Variants in FOXP2 observed in about 807,000 individuals in gnomAD.
FOXP2 encodes forkhead box P2, also known as forkhead box protein P2.
Under a neutral mutation model 115.8 loss-of-function variants are expected in FOXP2, and 12 were observed. The observed-to-expected ratio is 0.10, with a 90% CI of 0.07 to 0.17. The LOEUF (loss-of-function observed/expected upper bound fraction) is 0.17. FOXP2 is among the 10% of genes least tolerant of loss of function. The pLI is 1.00. For missense variants in FOXP2, 629 were observed against 843.5 expected, an observed-to-expected ratio of 0.75 and a Z score of 3.15; for synonymous variants, 328 against 297.7, an observed-to-expected ratio of 1.10 and a Z score of -1.05.
intron 2 of FOXP2, among the ~76,000 whole-genome samples, chr7:114,306,140 C>T (rs1251936844): frequency 6.6e-6 from 1 of 152,036 alleles, no homozygotes; most frequent in Non-Finnish European, 1.5e-5. Context: ...TTAGATTAGC[C>T]AGAGAGTACC....
chr7:114,285,247 A>G (rs2129175561), intron 1 of FOXP2, among the ~76,000 whole-genome samples: 1 of 152,280 alleles, frequency 6.6e-6, no homozygotes, highest in African/African-American at 2.4e-5. Flanking sequence ...ACAGAGTTAA[A>G]AAATCAAATG....
intron 3 of FOXP2, among the ~76,000 whole-genome samples, chr7:114,549,902 G>A (rs1800115277): frequency 6.6e-6 from 1 of 152,058 alleles, no homozygotes; most frequent in African/African-American, 2.4e-5. Flanking sequence ...AAACTGTTAT[G>A]AAAGGTTTGT....
intron 2 of FOXP2, among the ~76,000 whole-genome samples, chr7:114,292,120 A>G (rs1796619743): frequency 6.6e-6 from 1 of 151,088 alleles, no homozygotes; most frequent in Admixed American, 6.7e-5. Context: ...GAGTGACAAT[A>G]CACAACCTTT....
At chr7:114,297,420 C>G (rs1796767288) in intron 2 of FOXP2, 1 of 558,610 alleles carries the variant, frequency 1.8e-6, no homozygotes, top group East Asian at 4.3e-5. Context: ...AGGGGTAGCC[C>G]AGAGCCATGG....
At chr7:114,105,385 T>A (rs949895759) in intron 1 of FOXP2, among the ~76,000 whole-genome samples, 2 of 152,082 alleles carry the variant, frequency 1.3e-5, no homozygotes, top group Non-Finnish European at 2.9e-5. Context: ...AGTTGGCTGT[T>A]TGGAATTGGG....
chr7:114,304,804 C>T (rs564909086), intron 2 of FOXP2, among the ~76,000 whole-genome samples: 2 of 151,760 alleles, frequency 1.3e-5, no homozygotes, highest in Admixed American at 6.6e-5. Flanking sequence ...TTAACTATTT[C>T]CCACATGTTC....
chr7:114,159,839 C>T (rs1228809277), upstream of FOXP2, among the ~76,000 whole-genome samples: 1 of 152,176 alleles, frequency 6.6e-6, no homozygotes, highest in Non-Finnish European at 1.5e-5. Flanking sequence ...AACATGTATA[C>T]ATAGGAGCCC....
At chr7:114,124,688 G>A (rs1584492627) in intron 1 of FOXP2, among the ~76,000 whole-genome samples, 1 of 152,046 alleles carries the variant, frequency 6.6e-6, no homozygotes, top group South Asian at 2.1e-4. Context: ...CATCTAAATA[G>A]TATACATTTT....
chr7:114,679,308 C>A (rs753939053), intron 16 of FOXP2, among the ~76,000 whole-genome samples: 25 of 152,172 alleles, frequency 1.6e-4, no homozygotes, highest in Non-Finnish European at 3.4e-4. Context: ...CCTTTTTACT[C>A]CACAATCTAT....
chr7:114,683,355 A>C (rs549725428), intron 16 of FOXP2, among the ~76,000 whole-genome samples: 1 of 152,310 alleles, frequency 6.6e-6, no homozygotes, highest in African/African-American at 2.4e-5. Context: ...CATGTGATTA[A>C]GGCAATATGG....
chr7:114,288,197 G>C, intron 2 of FOXP2: 1 of 415,564 alleles, frequency 2.4e-6, no homozygotes, highest in Admixed American at 2.7e-5. Flanking sequence ...AGTTTTTTTG[G>C]TTAAATATGT....
chr7:114,529,815 C>A (rs1185123333), intron 2 of FOXP2, among the ~76,000 whole-genome samples: 1 of 151,662 alleles, frequency 6.6e-6, no homozygotes, highest in Non-Finnish European at 1.5e-5. Context: ...CTTCGGATTA[C>A]ATGTATCAGT....
chr7:114,646,757 T>G (rs2129335509), intron 8 of FOXP2, among the ~76,000 whole-genome samples: 1 of 152,162 alleles, frequency 6.6e-6, no homozygotes, highest in South Asian at 2.1e-4. Flanking sequence ...TGGCATTGTC[T>G]TCTTGAAAAT....
At position 114,378,684 on chromosome 7, in the gene FOXP2, C is replaced by CAAA. The variant is rs398005920; in HGVS notation, c.-10-47803_-10-47801dup. ...GTGAGACAATGTAAGACCCTGTCTCCAAAAAAAAAAAAAAAAAGGAAAAGA... is the reference window on the plus strand; with the variant it reads ...GTGAGACAATGTAAGACCCTGTCTCCAAAAAAAAAAAAAAAAAAAAGGAAAAGA... On this transcript the variant is annotated intron_variant, in intron 2 of 17. Transcript: ENST00000634411. 1.4e-3 allele frequency among the ~76,000 whole-genome samples: 26 copies of CAAA among 18,096 alleles called. 2 individuals are homozygous for CAAA. The South Asian group carries it at 0.03, about 21-fold the overall frequency. The allele number at this position is 18,096 out of a possible 152,430, so 11.9% of individuals were successfully genotyped here. A position where few individuals can be genotyped will look rare whatever the true frequency, so the allele number is the denominator to read the frequency against.
intron 1 of FOXP2, among the ~76,000 whole-genome samples, chr7:114,270,112 A>G (rs1795998302): frequency 6.6e-6 from 1 of 152,176 alleles, no homozygotes; most frequent in Non-Finnish European, 1.5e-5. Flanking sequence ...ACTTAATAAT[A>G]TACGTTTAAG....
chr7:114,588,277 A>C (rs1802253884), intron 3 of FOXP2, among the ~76,000 whole-genome samples: 1 of 152,130 alleles, frequency 6.6e-6, no homozygotes, highest in African/African-American at 2.4e-5. Context: ...ACTGCAATCC[A>C]GCCTGGGCAA....
intron 16 of FOXP2, among the ~76,000 whole-genome samples, chr7:114,684,239 C>T (rs1808241475): frequency 6.6e-6 from 1 of 152,094 alleles, no homozygotes. Flanking sequence ...CAAATAAAAC[C>T]CAACCCAGAA....
intron 1 of FOXP2, among the ~76,000 whole-genome samples, chr7:114,235,050 A>AC (rs1479298235): frequency 6.6e-6 from 1 of 152,050 alleles, no homozygotes; most frequent in Non-Finnish European, 1.5e-5. Context: ...ACTGTATATA[A>AC]CCTTCAATGA....
In FOXP2 at chr7:114,470,511, G is replaced by C. The variant is rs139917666; in HGVS notation, c.168+43832G>C. Among the ~76,000 whole-genome samples, 766 of 152,158 alleles carry C rather than the reference G, an allele frequency of 5.0e-3. 12 individuals carry two copies. The highest frequency in any genetic ancestry group is 0.018 in the African/African-American group (728 of 41,524). ...TTTTGGTAGCCTATAAGATTTATGA[G>C]ACCAGAGATTATTTTTGGTGGTTCA... is the stretch of plus-strand genomic sequence containing the variant. On this transcript the variant is annotated intron_variant, in intron 2 of 16. Coordinates refer to ENST00000350908, the MANE Select transcript of FOXP2 (RefSeq NM_014491.4).
Sources: gnomAD v4.1 joint callset for allele counts (sites outside exome capture counted in the v4.1 genomes callset) on GRCh38, gnomAD v4.1.1 for gene constraint, MANE v1.5 for transcripts, NCBI Gene and HGNC (gene_info 2026-07-23, HGNC 2026-07-21) for gene names.